Variants in ANK2 observed in about 807,000 individuals in gnomAD.
ANK2 encodes ankyrin-2.
ANK2 carries 83 observed loss-of-function variants against 360.5 expected under a neutral mutation model. The ratio of observed to expected loss-of-function variants is 0.23; its 90% CI spans 0.19 to 0.28. ANK2 has a LOEUF of 0.28. ANK2 is among the 10% of genes least tolerant of loss of function. The pLI is 1.00. For missense variants in ANK2, 4,201 were observed against 4,795.7 expected (o/e 0.88, Z 3.66); for synonymous variants, 1,740 against 1,759.5 (o/e 0.99, Z 0.28).
chr4:112,763,308 A>AAG, the ANK2 span, among the ~76,000 whole-genome samples: 1 of 150,114 alleles, frequency 6.7e-6, no homozygotes, highest in Admixed American at 6.7e-5. Context: ...CGCTCACTGC[A>AAG]AGCTCCGTCT....
intron 1 of ANK2, among the ~76,000 whole-genome samples, chr4:113,051,819 A>T (rs2067169067): frequency 1.3e-5 from 2 of 152,170 alleles, no homozygotes; most frequent in African/African-American, 4.8e-5. Context: ...TATATATAGA[A>T]TATTTTATGA....
At chr4:113,200,804 G>A (rs973153556) in intron 4 of ANK2, among the ~76,000 whole-genome samples, 12 of 151,484 alleles carry the variant, frequency 7.9e-5, no homozygotes, top group South Asian at 4.2e-4. Flanking sequence ...TGCAGGTGTC[G>A]CATGTTCTCA....
At chr4:112,735,872 T>C in the ANK2 span, among the ~76,000 whole-genome samples, 1 of 152,196 alleles carries the variant, frequency 6.6e-6, no homozygotes, top group Non-Finnish European at 1.5e-5. Flanking sequence ...GTAACTACTG[T>C]TCTTTATATT....
In ANK2 at chr4:113,357,663, C is replaced by T. The variant is rs1211416297; in HGVS notation, c.9045C>T (p.Phe3015=). ...EMQSDSVSSS[F]EPTMSATTTV... ...AATCAGACAGTGTCTCTTCATCTTT[C>T]GAGCCTACTATGTCCGCTACAACAA... The change falls in exon 38 of 46, where the codon TTC becomes TTT. Residue 3015 remains phenylalanine (F), a synonymous_variant. Transcript: ENST00000357077. 11 of 1,613,978 alleles carry T rather than the reference C, an allele frequency of 6.8e-6. No homozygotes were observed. Among genetic ancestry groups the T allele is most frequent in the South Asian group, 2.2e-5 (2 of 91,082 alleles).
At chr4:113,288,532 C>T in intron 20 of ANK2, 46 bp downstream of exon 20, 3 of 1,522,102 alleles carry the variant, frequency 2.0e-6, no homozygotes, top group African/African-American at 1.4e-5. Context: ...CAAAAAGGTT[C>T]AGCCATCTGG....
At chr4:113,359,997 A>G (rs1329054303) in intron 38 of ANK2, among the ~76,000 whole-genome samples, 1 of 152,142 alleles carries the variant, frequency 6.6e-6, no homozygotes, top group Non-Finnish European at 1.5e-5. Context: ...TGGCTCTTTG[A>G]CTTATAAAAA....
In ANK2 at chr4:113,370,388, C is replaced by A. The variant is rs148455478; in HGVS notation, c.11610+583C>A. The stretch of plus-strand genomic sequence containing the variant: ...TAAATGTCCAAATGCCTGACGGTGG[C>A]ATAAGATTGCATCATAGCGCTTCCT... On this transcript the variant is annotated intron_variant, in intron 43 of 45. Coordinates refer to ENST00000357077, the MANE Select transcript of ANK2 (RefSeq NM_001148.6). Among the ~76,000 whole-genome samples the A allele has an allele frequency of 5.3e-4, 81 of 152,098 alleles. 3 individuals are homozygous for A. In the East Asian group the frequency reaches 0.015, roughly 28 times the overall value.
At chr4:112,729,294 A>C in the ANK2 span, among the ~76,000 whole-genome samples, 2 of 152,216 alleles carry the variant, frequency 1.3e-5, no homozygotes, top group African/African-American at 4.8e-5. Flanking sequence ...TTTCTGAAAA[A>C]AAAATAAAAC....
At chr4:112,810,116 A>ATTTT in the ANK2 span, among the ~76,000 whole-genome samples, 43 of 110,688 alleles carry the variant, frequency 3.9e-4, 1 homozygote, top group African/African-American at 1.2e-3. Context: ...AGATATTTTA[A>ATTTT]TTTTTTGTGT....
At chr4:112,958,820 A>G (rs1581951529) in intron 2 of ANK2, among the ~76,000 whole-genome samples, 1 of 151,758 alleles carries the variant, frequency 6.6e-6, no homozygotes, top group Non-Finnish European at 1.5e-5. Context: ...TCTTAAAAAA[A>G]TCTATTTTGG....
the ANK2 span, among the ~76,000 whole-genome samples, chr4:112,735,837 C>T: frequency 2.0e-5 from 3 of 152,128 alleles, no homozygotes; most frequent in South Asian, 6.2e-4. Flanking sequence ...AACAGCTCTC[C>T]ATTTCCTCCT....
chr4:113,160,861 C>T (rs145499148), intron 1 of ANK2, among the ~76,000 whole-genome samples: 324 of 152,222 alleles, frequency 2.1e-3, no homozygotes, highest in African/African-American at 6.1e-3. Flanking sequence ...TTGGGGACCC[C>T]GGAATAAATG....
chr4:113,241,215 A>T (rs1215082588), intron 8 of ANK2, among the ~76,000 whole-genome samples: 1 of 152,258 alleles, frequency 6.6e-6, no homozygotes, highest in Non-Finnish European at 1.5e-5. Context: ...ATAGCCAATA[A>T]AATAAATAAA....
At chr4:113,220,665 G>C (rs2099140211) in intron 4 of ANK2, among the ~76,000 whole-genome samples, 1 of 152,146 alleles carries the variant, frequency 6.6e-6, no homozygotes, top group South Asian at 2.1e-4. Flanking sequence ...AAGTGAAACA[G>C]AGAGAGAAAA....
chr4:112,841,531 G>GT (rs1434922322), intron 1 of ANK2, among the ~76,000 whole-genome samples: 6 of 152,180 alleles, frequency 3.9e-5, no homozygotes, highest in Non-Finnish European at 8.8e-5. Context: ...AAGGTGCATT[G>GT]AATCAGAAGG....
chr4:113,178,933 A>G (rs1352082521), intron 2 of ANK2, among the ~76,000 whole-genome samples: 1 of 152,184 alleles, frequency 6.6e-6, no homozygotes, highest in African/African-American at 2.4e-5. Context: ...CTGCCCTTCA[A>G]AGTAATACAG....
intron 2 of ANK2, among the ~76,000 whole-genome samples, chr4:112,966,979 G>C (rs2037533172): frequency 6.6e-6 from 1 of 152,108 alleles, no homozygotes; most frequent in Non-Finnish European, 1.5e-5. Context: ...GGTTCCTTTG[G>C]TATAAGAGTG....
chr4:112,731,980 A>G, the ANK2 span, among the ~76,000 whole-genome samples: 1 of 152,152 alleles, frequency 6.6e-6, no homozygotes, highest in African/African-American at 2.4e-5. Flanking sequence ...AATATTTCAT[A>G]TGTTGTGGTA....
intron 1 of ANK2, among the ~76,000 whole-genome samples, chr4:112,828,202 T>C (rs1560687326): frequency 1.3e-5 from 2 of 148,264 alleles, no homozygotes; most frequent in Non-Finnish European, 3.0e-5. Flanking sequence ...TTTCACCATA[T>C]ACAAAAATCA....
Sources: gnomAD v4.1 joint callset for allele counts (sites outside exome capture counted in the v4.1 genomes callset) on GRCh38, gnomAD v4.1.1 for gene constraint, MANE v1.5 for transcripts, NCBI Gene and HGNC (gene_info 2026-07-23, HGNC 2026-07-21) for gene names.